Variants in PPP2R5B observed in about 807,000 individuals in gnomAD.
PPP2R5B encodes the protein protein phosphatase 2 regulatory subunit B'beta, also known as serine/threonine-protein phosphatase 2A 56 kDa regulatory subunit beta isoform.
In PPP2R5B, 19 loss-of-function variants were observed where a neutral mutation model predicts 59.9. The observed-to-expected ratio is 0.32, with a 90% CI of 0.22 to 0.47. The LOEUF is 0.47. PPP2R5B is among the 20% of genes least tolerant of loss of function. PPP2R5B has a pLI of 1.00. For synonymous variants in PPP2R5B, 286 were observed against 260.5 expected (o/e 1.10, Z -0.94); for missense variants, 441 against 640.2 (o/e 0.69, Z 3.36).
upstream of PPP2R5B, among the ~76,000 whole-genome samples, chr11:64,923,510 G>C (rs544712667): frequency 6.6e-6 from 1 of 152,182 alleles, no homozygotes; most frequent in South Asian, 2.1e-4. Context: ...CTCCAGTGCC[G>C]GAGTCCTGGA....
upstream of PPP2R5B, among the ~76,000 whole-genome samples, chr11:64,920,483 A>C (rs991038517): frequency 2.0e-5 from 3 of 152,158 alleles, no homozygotes; most frequent in Non-Finnish European, 4.4e-5. Flanking sequence ...GTCATTCTCC[A>C]ACCTAGCCTC....
rs751323043 is a variant in PPP2R5B at position 64,926,904 on chromosome 11, G to A, written c.392G>A (p.Arg131His). 2.8e-5 allele frequency: 45 copies of A among 1,613,200 alleles called. No homozygotes were observed. Among genetic ancestry groups the A allele is most frequent in the Non-Finnish European group, 3.7e-5 (44 of 1,179,550 alleles). The stretch of plus-strand genomic sequence containing the variant: ...GAGCCCGTCTACCCAGACATCATCC[G>A]CATGGTGAGCACCTGCCACCCAGGC... ...LIEPVYPDII[R>H]MISVNIFRTL... The change falls in exon 3 of 14, where the codon CGC (arginine) becomes CAC (histidine). Residue 131 changes from arginine (R) to histidine (H), a missense_variant. By Grantham distance (29) the Arg-to-His change is conservative. Around this residue, in one of 3 missense-constraint regions of PPP2R5B, gnomAD observed 268 missense variants for 488.1 expected, o/e 0.55. Transcript: ENST00000164133.
chr11:64,926,560 G>A, intron 2 of PPP2R5B, 152 bp from the exon 3 acceptor site: 1 of 759,610 alleles, frequency 1.3e-6, no homozygotes, highest in Non-Finnish European at 2.1e-6. Flanking sequence ...GACAGTAGTT[G>A]TTTGCTGTCT....
intron 1 of PPP2R5B, chr11:64,918,217 T>C (rs1346957147): frequency 6.6e-6 from 1 of 152,240 alleles, no homozygotes; most frequent in African/African-American, 2.4e-5. Context: ...ATTCAGTACT[T>C]GAGACAGAGG....
In PPP2R5B at chr11:64,931,147, C is replaced by G. The variant is rs191338583; in HGVS notation, c.892-289C>G. Reference sequence around the variant, plus strand: ...TCTGCTGCCTCGGCCTCCCAAAGTGCTTGGATTACAGGCGTGAGCCACCAC... The same window carrying G: ...TCTGCTGCCTCGGCCTCCCAAAGTGGTTGGATTACAGGCGTGAGCCACCAC... On this transcript the variant is annotated intron_variant, in intron 8 of 13. Coordinates refer to ENST00000164133, the MANE Select transcript of PPP2R5B (RefSeq NM_006244.4). This position sits in a 1 kb window ranked among gnomAD's most constrained non-coding sequence, Gnocchi z 5.0. Among the ~76,000 whole-genome samples, 3 of 152,084 alleles carry G rather than the reference C, an allele frequency of 2.0e-5. No homozygotes were observed. Among genetic ancestry groups the G allele is most frequent in the Non-Finnish European group, 4.4e-5 (3 of 68,032 alleles).
chr11:64,930,666 C>T, intron 8 of PPP2R5B, 77 bp downstream of exon 8: 1 of 1,208,204 alleles, frequency 8.3e-7, no homozygotes. Flanking sequence ...GAGGTCAGAT[C>T]CTCCAGGGAT....
At chr11:64,928,263 C>G in intron 5 of PPP2R5B, 32 bp from the exon 6 acceptor site, 1 of 1,612,844 alleles carries the variant, frequency 6.2e-7, no homozygotes, top group Non-Finnish European at 8.5e-7. Context: ...TTCCCCTGAC[C>G]CTGACCCTGA....
At position 64,933,151 on chromosome 11, in the gene PPP2R5B, C is replaced by A. The variant is rs752297042; in HGVS notation, c.1251C>A (p.Ile417=). The A allele has an allele frequency of 3.1e-6, 5 of 1,610,706 alleles. No individual in the cohort carries two copies. Among genetic ancestry groups the A allele is most frequent in the East Asian group, 4.5e-5 (2 of 44,860 alleles). The part of the protein sequence containing the change: ...QVSKEHWNQT[I]VSLIYNVLKT... ...CCTCCTTGACACTGCCAAGAACCAT[C>A]GTATCACTGATCTACAATGTGCTCA... The change falls in exon 13 of 14, where the codon ATC becomes ATA. Residue 417 remains isoleucine (I), a synonymous_variant. Coordinates refer to ENST00000164133, the MANE Select transcript of PPP2R5B (RefSeq NM_006244.4).
rs1044583006 is a variant in PPP2R5B, at chr11:64,917,616, A to G, written c.-289A>G. ...GGAGTAAACTCAGTGCGCGATCTTAAGCGCGCATCTGTGGAAACAATTAAG... is the reference window on the plus strand; with the variant it reads ...GGAGTAAACTCAGTGCGCGATCTTAGGCGCGCATCTGTGGAAACAATTAAG... On this transcript the variant is annotated 5_prime_UTR_variant, in exon 1 of 5. Transcript: ENST00000526559. The G allele has an allele frequency of 3.9e-5, 6 of 154,152 alleles. No homozygotes were observed. The South Asian group carries it at 1.1e-3, about 28-fold the overall frequency. 9.5% of individuals were successfully genotyped at this position (154,152 alleles called of 1,614,324 possible).
chr11:64,922,634 G>A (rs191972504), upstream of PPP2R5B, among the ~76,000 whole-genome samples: 1,575 of 152,214 alleles, frequency 0.01, 34 homozygotes, highest in Middle Eastern at 0.014. Context: ...CAGCACTTTG[G>A]GAGGCCGAGG....
chr11:64,922,701 C>T (rs540933015), upstream of PPP2R5B, among the ~76,000 whole-genome samples: 13 of 151,968 alleles, frequency 8.6e-5, no homozygotes, highest in East Asian at 1.7e-3. Flanking sequence ...GGTGAAACCC[C>T]GTCTCTACTA....
Position 64,931,403 on chromosome 11 carries a change from G to A in PPP2R5B, c.892-33G>A, listed in dbSNP as rs756450518. ...TTGGCGCCTGGTGCCTTCCTGACCT[G>A]TCTTCCTTCCCTCCACCTGTCACCC... is the stretch of plus-strand genomic sequence containing the variant. On this transcript the variant is annotated intron_variant, in intron 8 of 13. Coordinates refer to ENST00000164133, the MANE Select transcript of PPP2R5B (RefSeq NM_006244.4). The surrounding 1 kb of genome is among the most constrained non-coding windows in gnomAD (Gnocchi z 5.0). 1 of 1,612,014 alleles carries A rather than the reference G, an allele frequency of 6.2e-7. No homozygotes were observed. The highest frequency in any genetic ancestry group is 1.1e-5 in the South Asian group (1 of 90,892).
intron 3 of PPP2R5B, 99 bp downstream of exon 3, chr11:64,927,007 C>A: frequency 1.4e-6 from 2 of 1,399,876 alleles, no homozygotes; most frequent in South Asian, 1.4e-5. Flanking sequence ...ACCCTGTACT[C>A]ATCGGCTTGG....
chr11:64,922,176 CA>C (rs1367401643), upstream of PPP2R5B, among the ~76,000 whole-genome samples: 352 of 138,340 alleles, frequency 2.5e-3, 2 homozygotes, highest in East Asian at 0.012. Flanking sequence ...CGCGCCACTG[CA>C]AAAAAAAAAT....
Position 64,925,603 on chromosome 11 carries a change from A to C in PPP2R5B, c.-132A>C, listed in dbSNP as rs1945151285. On this transcript the variant is annotated 5_prime_UTR_variant, in exon 2 of 14. Transcript: ENST00000164133. This position sits in a 1 kb window ranked among gnomAD's most constrained non-coding sequence, Gnocchi z 4.6. ...AGGAGGCCCTGGGGGGGGGCCCAGG[A>C]CTGTGGTTGTGCCCCCCCCCCAAAG... 22 of 555,448 alleles carry C rather than the reference A, an allele frequency of 4.0e-5. No individual in the cohort carries two copies. The highest frequency in any genetic ancestry group is 1.7e-4 in the East Asian group (5 of 29,664). 34.4% of individuals were successfully genotyped at this position (555,448 alleles called of 1,614,324 possible).
chr11:64,928,883 G>A (rs1244522756), intron 6 of PPP2R5B, among the ~76,000 whole-genome samples: 1 of 152,056 alleles, frequency 6.6e-6, no homozygotes, highest in Non-Finnish European at 1.5e-5. Flanking sequence ...AGAGCGAGAC[G>A]GATGAACCCA....
At chr11:64,922,103 G>A (rs573726198), upstream of PPP2R5B, among the ~76,000 whole-genome samples, 27 of 152,002 alleles carry the variant, frequency 1.8e-4, no homozygotes, top group African/African-American at 6.5e-4. Context: ...AGTTACTCGG[G>A]ACTGAGGCTG....
In PPP2R5B at chr11:64,930,256, G is replaced by A. The variant is rs1945214125; in HGVS notation, c.723-66G>A. Reference sequence around the variant, plus strand: ...CCGTGCAGGTGAGGGTGGGCAGGCAGGATGCCTAAGGGGGCACTGGGCCTA... The same window carrying A: ...CCGTGCAGGTGAGGGTGGGCAGGCAAGATGCCTAAGGGGGCACTGGGCCTA... On this transcript the variant is annotated intron_variant, in intron 6 of 13. Transcript: ENST00000164133. 4 of 1,553,318 alleles carry A rather than the reference G, an allele frequency of 2.6e-6. No homozygotes were observed. In the East Asian group the frequency reaches 6.7e-5, roughly 26 times the overall value.
chr11:64,927,613 G>C, intron 3 of PPP2R5B, 189 bp from the exon 4 acceptor site: 2 of 584,340 alleles, frequency 3.4e-6, no homozygotes, highest in East Asian at 5.8e-5. Flanking sequence ...TGAGGTGGGA[G>C]GATCGCTTGA....
Sources: gnomAD v4.1 joint callset for allele counts (sites outside exome capture counted in the v4.1 genomes callset) on GRCh38, gnomAD v4.1.1 for gene constraint, gnomAD v4.1.1 regional missense constraint, Gnocchi (gnomAD v3.1) non-coding constraint, MANE v1.5 for transcripts, NCBI Gene and HGNC (gene_info 2026-07-23, HGNC 2026-07-21) for gene names.